SATB2: variants seen among roughly 807,000 people sequenced by gnomAD.
SATB2 encodes the protein DNA-binding protein SATB2.
In SATB2, 1 loss-of-function variant was observed where a neutral mutation model predicts 73.4. That is an observed-to-expected ratio of 0.01 (90% CI 0.00 to 0.06). SATB2 has a LOEUF of 0.06. SATB2 is among the 10% of genes least tolerant of loss of function. The pLI is 1.00. For missense variants in SATB2, 459 were observed against 945.8 expected (o/e 0.49, Z 6.75); for synonymous variants, 397 against 367.0 (o/e 1.08, Z -0.93).
At chr2:199,363,457 A>ATTC (rs1689196118) in intron 6 of SATB2, among the ~76,000 whole-genome samples, 1 of 152,204 alleles carries the variant, frequency 6.6e-6, no homozygotes, top group Non-Finnish European at 1.5e-5. Flanking sequence ...AATTCATAGA[A>ATTC]GTAGAGAGTA....
intron 3 of SATB2, among the ~76,000 whole-genome samples, chr2:199,429,516 G>A (rs1196176337): frequency 6.6e-6 from 1 of 152,050 alleles, no homozygotes; most frequent in Non-Finnish European, 1.5e-5. Context: ...ATAAGAAACA[G>A]TGACAATTAA....
At chr2:199,279,425 G>C (rs1259407134) in intron 10 of SATB2, among the ~76,000 whole-genome samples, 1 of 152,214 alleles carries the variant, frequency 6.6e-6, no homozygotes, top group Non-Finnish European at 1.5e-5. Flanking sequence ...CTGTAGGGAA[G>C]GAAGTGAGAT....
chr2:199,445,721 A>G (rs1230999355), intron 2 of SATB2, among the ~76,000 whole-genome samples: 1 of 152,168 alleles, frequency 6.6e-6, no homozygotes, highest in Non-Finnish European at 1.5e-5. Context: ...ATAACTTCCT[A>G]TTCAGGGAAC....
chr2:199,288,592 T>A (rs974710541), intron 10 of SATB2, among the ~76,000 whole-genome samples: 3 of 152,208 alleles, frequency 2.0e-5, no homozygotes, highest in Non-Finnish European at 2.9e-5. Context: ...GTGAAAATAT[T>A]AGATGTTCAC....
At chr2:199,365,164 T>C (rs1298661616) in intron 6 of SATB2, among the ~76,000 whole-genome samples, 1 of 152,116 alleles carries the variant, frequency 6.6e-6, no homozygotes, top group Non-Finnish European at 1.5e-5. Flanking sequence ...ACTCCTAACA[T>C]TAAACAACTA....
chr2:199,360,595 C>G (rs1349691233), intron 6 of SATB2, among the ~76,000 whole-genome samples: 1 of 152,158 alleles, frequency 6.6e-6, no homozygotes. Flanking sequence ...CTGAAGAAAA[C>G]ATCACTATTA....
intron 9 of SATB2, among the ~76,000 whole-genome samples, chr2:199,310,632 T>C (rs1484051423): frequency 6.6e-6 from 1 of 152,216 alleles, no homozygotes; most frequent in African/African-American, 2.4e-5. Flanking sequence ...CTCTATCTTT[T>C]CATAGATCTG....
chr2:199,414,983 C>A (rs569678134), intron 3 of SATB2, among the ~76,000 whole-genome samples: 9 of 152,220 alleles, frequency 5.9e-5, no homozygotes, highest in Admixed American at 3.3e-4. Flanking sequence ...ACATGCAGCA[C>A]TGAAGAAGCA....
At chr2:199,320,409 G>A (rs899056170) in intron 9 of SATB2, among the ~76,000 whole-genome samples, 3 of 152,154 alleles carry the variant, frequency 2.0e-5, no homozygotes, top group African/African-American at 2.4e-5. Context: ...AAGGCGAAAT[G>A]TGTATAAACA....
chr2:199,312,741 G>A (rs539341446), intron 9 of SATB2, among the ~76,000 whole-genome samples: 1 of 152,242 alleles, frequency 6.6e-6, no homozygotes, highest in East Asian at 1.9e-4. Context: ...AAGTGGTCAA[G>A]GTCAAATAAC....
intron 7 of SATB2, among the ~76,000 whole-genome samples, chr2:199,342,913 T>A (rs1014219256): frequency 1.3e-5 from 2 of 152,186 alleles, no homozygotes; most frequent in Non-Finnish European, 2.9e-5. Flanking sequence ...TTATTTTACA[T>A]CATCAAATGA....
At chr2:199,426,544 G>A (rs1691333579) in intron 3 of SATB2, among the ~76,000 whole-genome samples, 1 of 151,926 alleles carries the variant, frequency 6.6e-6, no homozygotes, top group African/African-American at 2.4e-5. Context: ...TGCTCCACCC[G>A]CCTTGGCCTC....
chr2:199,439,613 TG>T (rs1224702933), intron 2 of SATB2, among the ~76,000 whole-genome samples: 1 of 152,196 alleles, frequency 6.6e-6, no homozygotes, highest in African/African-American at 2.4e-5. Context: ...AAGTGAGGGA[TG>T]GCTACTATTT....
intron 7 of SATB2, among the ~76,000 whole-genome samples, chr2:199,342,129 A>G (rs1240120191): frequency 1.3e-5 from 2 of 152,164 alleles, no homozygotes; most frequent in Non-Finnish European, 2.9e-5. Context: ...AAAGCCTAAC[A>G]GCAGACGCAG....
upstream of SATB2, among the ~76,000 whole-genome samples, chr2:199,465,566 A>G (rs6756011): frequency 0.043 from 6,523 of 152,302 alleles, 476 homozygotes; most frequent in African/African-American, 0.15. Context: ...CCACCTGGGA[A>G]CCATGCCGTA....
At chr2:199,440,737 G>C (rs16831510) in intron 2 of SATB2, among the ~76,000 whole-genome samples, 3 of 151,946 alleles carry the variant, frequency 2.0e-5, no homozygotes, top group Admixed American at 6.6e-5. Flanking sequence ...AACTCTTATC[G>C]TAGAGGAAGC....
chr2:199,351,057 G>A (rs907058291), intron 6 of SATB2, among the ~76,000 whole-genome samples: 4 of 145,850 alleles, frequency 2.7e-5, no homozygotes, highest in African/African-American at 1.0e-4. Flanking sequence ...AAGAAAACCC[G>A]ATTTCTTGCT....
intron 3 of SATB2, among the ~76,000 whole-genome samples, chr2:199,429,905 G>A (rs1418888468): frequency 3.3e-5 from 5 of 152,140 alleles, no homozygotes; most frequent in Non-Finnish European, 4.4e-5. Flanking sequence ...GCGAGACTCC[G>A]TCTCGAAATA....
At chr2:199,309,071 G>T in intron 9 of SATB2, 114 bp from the exon 10 acceptor site, 2 of 897,770 alleles carry the variant, frequency 2.2e-6, no homozygotes, top group South Asian at 1.4e-5. Context: ...AATTGTTCCT[G>T]CCAACGTGGG....
Sources: gnomAD v4.1 joint callset for allele counts (sites outside exome capture counted in the v4.1 genomes callset) on GRCh38, gnomAD v4.1.1 for gene constraint, MANE v1.5 for transcripts, NCBI Gene and HGNC (gene_info 2026-07-23, HGNC 2026-07-21) for gene names.